The following HYAL4 variants were observed in gnomAD, a reference collection of about 807,000 sequenced individuals.
HYAL4 encodes the protein hyaluronidase 4, also known as hyaluronidase-4.
In HYAL4, 37 loss-of-function variants were observed where a neutral mutation model predicts 35.2. The ratio of observed to expected loss-of-function variants is 1.05; its 90% CI spans 0.81 to 1.38. HYAL4 has a LOEUF of 1.38. Ranked by LOEUF, HYAL4 falls within the 40% of genes most tolerant of loss-of-function variation. The pLI, the probability that HYAL4 is intolerant of heterozygous loss-of-function variation, is 0.00. For synonymous variants in HYAL4, 198 were observed against 203.2 expected, an observed-to-expected ratio of 0.97 and a Z score of 0.22; for missense variants, 572 against 572.4, an observed-to-expected ratio of 1.00 and a Z score of 0.01.
chr7:123,826,470 G>T (rs912232413), upstream of HYAL4, among the ~76,000 whole-genome samples: 1 of 152,124 alleles, frequency 6.6e-6, no homozygotes, highest in Non-Finnish European at 1.5e-5. Flanking sequence ...TAATTGGATT[G>T]CCCGGTAAAC....
At chr7:123,863,950 C>T (rs2116949250) in intron 2 of HYAL4, among the ~76,000 whole-genome samples, 1 of 152,158 alleles carries the variant, frequency 6.6e-6, no homozygotes, top group Middle Eastern at 3.4e-3. Flanking sequence ...TGTAGCTGTA[C>T]ATGGTGGTCC....
the HYAL4 span, among the ~76,000 whole-genome samples, chr7:123,795,353 A>G: frequency 6.6e-6 from 1 of 152,118 alleles, no homozygotes; most frequent in African/African-American, 2.4e-5. Flanking sequence ...GAAGGGCATG[A>G]TTGTGTTTTA....
chr7:123,837,765 G>A (rs567724203), intron 1 of HYAL4, among the ~76,000 whole-genome samples: 127 of 145,882 alleles, frequency 8.7e-4, no homozygotes, highest in East Asian at 2.1e-4. Context: ...GAGAACGCAC[G>A]GTGTTTGGTT....
chr7:123,843,659 C>T (rs1321156534), upstream of HYAL4, among the ~76,000 whole-genome samples: 1 of 151,988 alleles, frequency 6.6e-6, no homozygotes, highest in Non-Finnish European at 1.5e-5. Flanking sequence ...TTGGTCTTTT[C>T]ACATAGTCCC....
In HYAL4 at chr7:123,868,902, G is replaced by A. The variant is rs372110160; in HGVS notation, c.629G>A (p.Arg210Gln). Reference protein sequence around the residue: ...KETIKLGIKSRPKGLWGYYLY... With the variant: ...KETIKLGIKSQPKGLWGYYLY... ...ACCATCAAATTGGGAATTAAGAGCC[G>A]ACCCAAAGGCCTTTGGGGTTATTAT... The change falls in exon 3 of 5, where the codon CGA becomes CAA. Residue 210 changes from arginine (R) to glutamine (Q), a missense_variant. Physicochemically the swap from Arg to Gln is conservative, Grantham distance 43. Transcript: ENST00000223026. 80 of 1,614,078 alleles carry A rather than the reference G, an allele frequency of 5.0e-5. No homozygotes were observed. Among genetic ancestry groups the A allele is most frequent in the East Asian group, 2.5e-4 (11 of 44,882 alleles).
At chr7:123,819,418 T>C in the HYAL4 span, 1 of 152,618 alleles carries the variant, frequency 6.6e-6, no homozygotes, top group Non-Finnish European at 1.5e-5. Flanking sequence ...GATATGAATA[T>C]TCTGCTTCAA....
At chr7:123,859,104 C>G (rs1409884797) in intron 2 of HYAL4, among the ~76,000 whole-genome samples, 1 of 151,906 alleles carries the variant, frequency 6.6e-6, no homozygotes, top group Non-Finnish European at 1.5e-5. Context: ...TGAAGAAAAT[C>G]CAAGGAAAAA....
At position 123,876,702 on chromosome 7, in the gene HYAL4, A is replaced by G; in HGVS notation, c.1045-52A>G. On this transcript the variant is annotated intron_variant, in intron 4 of 4. Transcript: ENST00000223026. Reference sequence around the variant, plus strand: ...GAAACACTAAAATCGATTTCTTTGTACATTTCTACCAGGGAGAACACACTA... The same window carrying G: ...GAAACACTAAAATCGATTTCTTTGTGCATTTCTACCAGGGAGAACACACTA... 4 of 1,550,684 alleles carry G rather than the reference A, an allele frequency of 2.6e-6. No homozygotes were observed. In the South Asian group the frequency reaches 3.6e-5, roughly 14 times the overall value.
upstream of HYAL4, among the ~76,000 whole-genome samples, chr7:123,826,856 A>G (rs1805807773): frequency 6.6e-6 from 1 of 152,132 alleles, no homozygotes; most frequent in Non-Finnish European, 1.5e-5. Flanking sequence ...TAGACTGAAA[A>G]GGACTTGCTG....
chr7:123,828,029 A>G (rs1457855743), upstream of HYAL4, among the ~76,000 whole-genome samples: 1 of 152,086 alleles, frequency 6.6e-6, no homozygotes, highest in African/African-American at 2.4e-5. Context: ...TGCCCATCCT[A>G]GCTGCACAAT....
chr7:123,819,848 G>A, the HYAL4 span, among the ~76,000 whole-genome samples: 1 of 151,520 alleles, frequency 6.6e-6, no homozygotes, highest in Non-Finnish European at 1.5e-5. Flanking sequence ...TATTTCATTT[G>A]CACTGAGGGC....
intron 3 of HYAL4, among the ~76,000 whole-genome samples, chr7:123,872,224 G>C (rs749277205): frequency 5.3e-5 from 8 of 152,034 alleles, no homozygotes; most frequent in Non-Finnish European, 1.2e-4. Flanking sequence ...TTTACCCATC[G>C]TTTAGCTCCT....
chr7:123,787,107 C>CAAAAAAAAAAAAAAAAA, the HYAL4 span, among the ~76,000 whole-genome samples: 2 of 49,112 alleles, frequency 4.1e-5, no homozygotes, highest in Non-Finnish European at 4.9e-5. Context: ...AACTCTGTCT[C>CAAAAAAAAAAAAAAAAA]AAAAAAAAAA....
At chr7:123,841,695 T>G (rs898530777), upstream of HYAL4, among the ~76,000 whole-genome samples, 52 of 152,160 alleles carry the variant, frequency 3.4e-4, no homozygotes, top group African/African-American at 1.1e-3. Flanking sequence ...TATTCAGAGA[T>G]TCAACTTCTT....
chr7:123,847,367 T>C (rs1250861803), intron 1 of HYAL4, among the ~76,000 whole-genome samples: 1 of 152,210 alleles, frequency 6.6e-6, no homozygotes, highest in Admixed American at 6.5e-5. Context: ...CAGCTCACCA[T>C]CTTGAGCCAT....
chr7:123,813,119 G>A, the HYAL4 span, among the ~76,000 whole-genome samples: 6 of 151,998 alleles, frequency 3.9e-5, no homozygotes, highest in East Asian at 9.7e-4. Flanking sequence ...AATTTAGTAC[G>A]TTAAATAAAG....
intron 3 of HYAL4, among the ~76,000 whole-genome samples, chr7:123,872,584 C>T (rs1741910396): frequency 6.6e-6 from 1 of 152,176 alleles, no homozygotes; most frequent in Non-Finnish European, 1.5e-5. Context: ...AGGTGCAAAG[C>T]ACCCTGTGCC....
chr7:123,868,699 T>G lies in HYAL4; in HGVS notation c.426T>G (p.Ala142=), dbSNP rs1806775922. The change falls in exon 3 of 5, where the codon GCT becomes GCG. Residue 142 remains alanine (A), a synonymous_variant. Coordinates refer to ENST00000223026, the MANE Select transcript of HYAL4 (RefSeq NM_012269.3). ...CTGCTGAAGATTTCAGTGGACTTGC[T>G]GTTATAGATTGGGAATATTGGCGAC... ...YIPAEDFSGL[A]VIDWEYWRPQ... is the part of the protein sequence containing the mutation. 6.2e-7 allele frequency: 1 copy of G among 1,613,640 alleles called. No individual in the cohort carries two copies. Among genetic ancestry groups the G allele is most frequent in the Admixed American group, 1.7e-5 (1 of 59,918 alleles).
the HYAL4 span, among the ~76,000 whole-genome samples, chr7:123,793,781 A>T: frequency 6.6e-6 from 1 of 152,324 alleles, no homozygotes; most frequent in Non-Finnish European, 1.5e-5. Flanking sequence ...TATTAGCAAC[A>T]TGAGAATGGA....
Sources: gnomAD v4.1 joint callset for allele counts (sites outside exome capture counted in the v4.1 genomes callset) on GRCh38, gnomAD v4.1.1 for gene constraint, MANE v1.5 for transcripts, NCBI Gene and HGNC (gene_info 2026-07-23, HGNC 2026-07-21) for gene names.